LRRC3B: variants seen among roughly 807,000 people sequenced by gnomAD.
LRRC3B encodes the protein leucine rich repeat containing 3B, also known as leucine-rich repeat-containing protein 3B.
In LRRC3B, 2 loss-of-function variants were observed where a neutral mutation model predicts 12.8. The observed-to-expected ratio is 0.16, with a 90% confidence interval of 0.06 to 0.49. LRRC3B has a LOEUF of 0.49. Ranked by LOEUF, LRRC3B falls within the 20% of genes least tolerant of loss-of-function variation. The probability of loss-of-function intolerance (pLI) is 0.96; values close to 1 mark genes in which losing one functional copy is unlikely to be tolerated. For missense variants in LRRC3B, 189 were observed against 319.4 expected (o/e 0.59, Z 3.11); for synonymous variants, 132 against 122.0 (o/e 1.08, Z -0.54).
At chr3:26,685,615 GTATATA>G (rs768001958) in intron 1 of LRRC3B, among the ~76,000 whole-genome samples, 7 of 120,484 alleles carry the variant, frequency 5.8e-5, no homozygotes, top group Admixed American at 9.0e-5. Flanking sequence ...ATGTGTGTGT[GTATATA>G]TATATATATA....
At position 26,683,546 on chromosome 3, in the gene LRRC3B, C is replaced by A. The variant is rs1179568604; in HGVS notation, c.-160-25967C>A. ...CAGGTCCTCACCAGGGGATGTTGAACTCAAATGAGGAATAAAAGCACAGCC... is the reference window on the plus strand; with the variant it reads ...CAGGTCCTCACCAGGGGATGTTGAAATCAAATGAGGAATAAAAGCACAGCC... On this transcript the variant is annotated intron_variant, in intron 1 of 1. Transcript: ENST00000396641. Among the ~76,000 whole-genome samples, 6 of 152,154 alleles carry A rather than the reference C, an allele frequency of 3.9e-5. No individual in the cohort carries two copies. The East Asian group carries it at 1.2e-3, about 29-fold the overall frequency.
At chr3:26,680,386 C>G (rs2125440850) in intron 1 of LRRC3B, among the ~76,000 whole-genome samples, 1 of 152,270 alleles carries the variant, frequency 6.6e-6, no homozygotes, top group African/African-American at 2.4e-5. Context: ...TGGCTTGTAT[C>G]TCTGTTTTAG....
intron 1 of LRRC3B, among the ~76,000 whole-genome samples, chr3:26,643,756 G>A (rs1699084070): frequency 6.6e-6 from 1 of 152,236 alleles, no homozygotes; most frequent in Non-Finnish European, 1.5e-5. Context: ...TGAGGATGCA[G>A]TGAGTCTGAT....
At chr3:26,673,291 T>C (rs1699791121) in intron 1 of LRRC3B, among the ~76,000 whole-genome samples, 1 of 152,196 alleles carries the variant, frequency 6.6e-6, no homozygotes, top group Admixed American at 6.5e-5. Context: ...AGGTTTTCAT[T>C]TCAAACAACA....
At chr3:26,670,756 A>T (rs1002188767) in intron 1 of LRRC3B, among the ~76,000 whole-genome samples, 1 of 152,166 alleles carries the variant, frequency 6.6e-6, no homozygotes, top group Non-Finnish European at 1.5e-5. Flanking sequence ...TAATATAGAG[A>T]TAATTATAGC....
intron 1 of LRRC3B, among the ~76,000 whole-genome samples, chr3:26,647,352 G>C (rs768730006): frequency 8.5e-5 from 13 of 152,118 alleles, no homozygotes; most frequent in Non-Finnish European, 1.8e-4. Context: ...CCTGGGAGCA[G>C]AGACCGTAGC....
In LRRC3B at chr3:26,649,190, A is replaced by T. The variant is rs571567504; in HGVS notation, c.-161+25953A>T. On this transcript the variant is annotated intron_variant, in intron 1 of 1. Coordinates refer to ENST00000396641, the Ensembl canonical transcript of LRRC3B. ...TTCCAAGGGTTTTGTCATCTGACTT[A>T]AGGCCAGGCTGTCCCAAGTACAGGA... 2.0e-5 allele frequency among the ~76,000 whole-genome samples: 3 copies of T among 152,350 alleles called. No individual in the cohort carries two copies. In the South Asian group the frequency reaches 6.2e-4, roughly 32 times the overall value.
Position 26,643,264 on chromosome 3 carries a change from G to T in LRRC3B, c.-161+20027G>T, listed in dbSNP as rs1219691915. Among the ~76,000 whole-genome samples the T allele has an allele frequency of 2.2e-5, 3 of 136,616 alleles. No homozygotes were observed. The Admixed American group carries it at 2.4e-4, about 11-fold the overall frequency. The allele number at this position is 136,616 out of a possible 152,430, so 89.6% of individuals were successfully genotyped here. A position where few individuals can be genotyped will look rare whatever the true frequency, so the allele number is the denominator to read the frequency against. On this transcript the variant is annotated intron_variant, in intron 1 of 1. Coordinates refer to ENST00000396641, the Ensembl canonical transcript of LRRC3B. Reference sequence around the variant, plus strand: ...TACACACATATGTGTGAGTGTGTGTGTGTGTGTGTGTGTATACATGTATAT... The same window carrying T: ...TACACACATATGTGTGAGTGTGTGTTTGTGTGTGTGTGTATACATGTATAT...
chr3:26,625,928 A>T (rs564822902), intron 1 of LRRC3B, among the ~76,000 whole-genome samples: 1 of 152,342 alleles, frequency 6.6e-6, no homozygotes, highest in South Asian at 2.1e-4. Flanking sequence ...TTGCTTATTG[A>T]CATTCAGCCA....
At chr3:26,646,638 G>T (rs759178617) in intron 1 of LRRC3B, among the ~76,000 whole-genome samples, 1 of 104,110 alleles carries the variant, frequency 9.6e-6, no homozygotes, top group East Asian at 4.5e-4. Context: ...AAAAAAAAAC[G>T]GATTTTAACA....
At chr3:26,708,079 T>TGGA (rs1396860679) in intron 1 of LRRC3B, among the ~76,000 whole-genome samples, 1 of 152,230 alleles carries the variant, frequency 6.6e-6, no homozygotes, top group Non-Finnish European at 1.5e-5. Context: ...TGGTAACATT[T>TGGA]GGAGTCATTT....
intron 1 of LRRC3B, among the ~76,000 whole-genome samples, chr3:26,652,781 A>G (rs2125415973): frequency 6.6e-6 from 1 of 152,274 alleles, no homozygotes; most frequent in African/African-American, 2.4e-5. Context: ...TTTATTTAAA[A>G]GTATAAAATT....
intron 1 of LRRC3B, among the ~76,000 whole-genome samples, chr3:26,698,497 T>C (rs1325960193): frequency 6.6e-6 from 1 of 152,066 alleles, no homozygotes; most frequent in African/African-American, 2.4e-5. Flanking sequence ...TAAGCCTTAC[T>C]CTATCTAGGA....
chr3:26,696,795 A>G (rs1015477351), intron 1 of LRRC3B, among the ~76,000 whole-genome samples: 2 of 152,180 alleles, frequency 1.3e-5, no homozygotes, highest in Non-Finnish European at 2.9e-5. Flanking sequence ...GTACACCTCA[A>G]TGATTTCACT....
At chr3:26,640,017 C>A (rs931656886) in intron 1 of LRRC3B, among the ~76,000 whole-genome samples, 1 of 152,138 alleles carries the variant, frequency 6.6e-6, no homozygotes, top group Non-Finnish European at 1.5e-5. Context: ...ACAGCTAAAG[C>A]ACAGGAGTGA....
At chr3:26,629,187 C>T (rs1026923905) in intron 1 of LRRC3B, among the ~76,000 whole-genome samples, 2 of 150,806 alleles carry the variant, frequency 1.3e-5, no homozygotes, top group African/African-American at 2.4e-5. Context: ...TACCCCTCCC[C>T]CTCCCTCCCT....
chr3:26,651,735 C>A (rs908665432), intron 1 of LRRC3B, among the ~76,000 whole-genome samples: 3 of 152,142 alleles, frequency 2.0e-5, no homozygotes, highest in Non-Finnish European at 2.9e-5. Flanking sequence ...TACCCTTTTG[C>A]CTTTTTCCTA....
intron 1 of LRRC3B, among the ~76,000 whole-genome samples, chr3:26,648,584 C>T (rs1683470575): frequency 6.6e-6 from 1 of 152,020 alleles, no homozygotes; most frequent in Non-Finnish European, 1.5e-5. Context: ...ATTTTGAATC[C>T]AGTCTGTGTT....
chr3:26,708,959 A>G (rs930850784), intron 1 of LRRC3B, among the ~76,000 whole-genome samples: 1 of 152,212 alleles, frequency 6.6e-6, no homozygotes, highest in African/African-American at 2.4e-5. Flanking sequence ...CTTGGTTGTC[A>G]GCCTCTAGCA....
Sources: allele counts gnomAD v4.1 joint callset (sites outside exome capture counted in the v4.1 genomes callset), GRCh38; gene constraint gnomAD v4.1.1; transcripts MANE v1.5; gene names NCBI Gene and HGNC (gene_info 2026-07-23, HGNC 2026-07-21).